Variants in GRXCR1 observed in about 807,000 individuals in gnomAD.
GRXCR1 encodes glutaredoxin domain-containing cysteine-rich protein 1.
A neutral mutation model predicts 27.3 loss-of-function variants in GRXCR1; 27 were observed. The observed-to-expected ratio is 0.99, with a 90% CI of 0.73 to 1.37. GRXCR1 has a LOEUF of 1.37. GRXCR1 is among the 40% of genes most tolerant of loss of function. The pLI is 0.00. For synonymous variants in GRXCR1, 122 were observed against 131.1 expected (o/e 0.93, Z 0.47); for missense variants, 379 against 354.4 (o/e 1.07, Z -0.56).
intron 1 of GRXCR1, among the ~76,000 whole-genome samples, chr4:42,912,752 T>C (rs892766904): frequency 2.0e-5 from 3 of 152,176 alleles, no homozygotes; most frequent in Admixed American, 6.6e-5. Context: ...ATCTCATCAC[T>C]TTAGTGAGGA....
At chr4:42,977,526 T>TTTTTTTTTTTTTTTTTTTTTTGAG (rs1560672131) in intron 2 of GRXCR1, among the ~76,000 whole-genome samples, 1 of 151,984 alleles carries the variant, frequency 6.6e-6, no homozygotes, top group African/African-American at 2.4e-5. Context: ...GGTGAACTCT[T>TTTTTTTTTTTTTTTTTTTTTTGAG]AATGTGGTTT....
At chr4:42,932,232 C>G (rs1441717982) in intron 1 of GRXCR1, among the ~76,000 whole-genome samples, 1 of 151,774 alleles carries the variant, frequency 6.6e-6, no homozygotes, top group Admixed American at 6.6e-5. Flanking sequence ...TCGCTGCCCT[C>G]CTCTTGATGT....
intron 2 of GRXCR1, among the ~76,000 whole-genome samples, chr4:43,008,953 T>C (rs768417192): frequency 3.8e-4 from 58 of 152,262 alleles, no homozygotes; most frequent in Non-Finnish European, 6.2e-4. Context: ...TGTTACTTTG[T>C]CATTGCGCAA....
chr4:43,008,995 T>C (rs1229091701), intron 2 of GRXCR1, among the ~76,000 whole-genome samples: 1 of 152,236 alleles, frequency 6.6e-6, no homozygotes, highest in Admixed American at 6.5e-5. Flanking sequence ...TATGACATTT[T>C]CCTGGCATTG....
At position 42,979,330 on chromosome 4, in the gene GRXCR1, C is replaced by T. The variant is rs149757607; in HGVS notation, c.627+16196C>T. ...ATTTTAGCTATGAGTTTGTGATATA[C>T]GGCCTTTAGTGTTGAGATACATTTC... On this transcript the variant is annotated intron_variant, in intron 2 of 3. Transcript: ENST00000399770. Among the ~76,000 whole-genome samples the T allele has an allele frequency of 1.3e-4, 20 of 152,032 alleles. No homozygotes were observed. The East Asian group carries it at 1.9e-3, about 15-fold the overall frequency.
chr4:42,986,561 T>C (rs1711730936), intron 2 of GRXCR1, among the ~76,000 whole-genome samples: 1 of 152,264 alleles, frequency 6.6e-6, no homozygotes, highest in Admixed American at 6.5e-5. Context: ...TGATGGGTAG[T>C]GAGGGTGGGA....
Position 42,981,256 on chromosome 4 carries a change from A to G in GRXCR1, c.627+18122A>G, listed in dbSNP as rs955132873. Reference sequence around the variant, plus strand: ...AGTTATCATGAGACTTATAAAAAACATCTTATTTTTATAACAAGTTATTTT... The same window carrying G: ...AGTTATCATGAGACTTATAAAAAACGTCTTATTTTTATAACAAGTTATTTT... On this transcript the variant is annotated intron_variant, in intron 2 of 3. Transcript: ENST00000399770. Among the ~76,000 whole-genome samples the G allele has an allele frequency of 8.6e-5, 13 of 151,972 alleles. No homozygotes were observed. The East Asian group carries it at 2.5e-3, about 29-fold the overall frequency.
At chr4:42,895,922 G>C (rs1746338087) in intron 1 of GRXCR1, among the ~76,000 whole-genome samples, 1 of 152,036 alleles carries the variant, frequency 6.6e-6, no homozygotes. Context: ...CGGTAAACTT[G>C]ACTGGATGTA....
chr4:42,906,517 A>T (rs753973320), intron 1 of GRXCR1, among the ~76,000 whole-genome samples: 1 of 152,134 alleles, frequency 6.6e-6, no homozygotes, highest in African/African-American at 2.4e-5. Context: ...CTCCACAGTT[A>T]GTGAGCTGGA....
At chr4:43,021,396 A>G (rs1312022163) in intron 3 of GRXCR1, among the ~76,000 whole-genome samples, 1 of 152,148 alleles carries the variant, frequency 6.6e-6, no homozygotes, top group Non-Finnish European at 1.5e-5. Context: ...GGGCCTTATA[A>G]AAGTCTTTTT....
intron 1 of GRXCR1, among the ~76,000 whole-genome samples, chr4:42,934,836 G>A (rs1454327947): frequency 6.6e-6 from 1 of 151,946 alleles, no homozygotes; most frequent in East Asian, 1.9e-4. Flanking sequence ...ATGTCAATGA[G>A]CTCAAAGAAA....
At chr4:42,975,203 T>G (rs182774047) in intron 2 of GRXCR1, among the ~76,000 whole-genome samples, 1 of 152,088 alleles carries the variant, frequency 6.6e-6, no homozygotes, top group Non-Finnish European at 1.5e-5. Context: ...AACCAAAAAG[T>G]AAGGTTACAA....
intron 2 of GRXCR1, among the ~76,000 whole-genome samples, chr4:42,978,613 A>G (rs907306710): frequency 1.9e-4 from 29 of 152,072 alleles, no homozygotes; most frequent in African/African-American, 6.8e-4. Context: ...GTGTTAATAT[A>G]CAGTAATGTT....
Position 42,957,081 on chromosome 4 carries a change from A to G in GRXCR1, c.385-5811A>G, listed in dbSNP as rs80235665. ...GTGTCAAACATGTTATCTTCCTCCC[A>G]TCTTAAGATCTTTGTACTTGCATGA... On this transcript the variant is annotated intron_variant, in intron 1 of 3. Coordinates refer to ENST00000399770, the MANE Select transcript of GRXCR1 (RefSeq NM_001080476.3). Among the ~76,000 whole-genome samples, 1,065 of 152,038 alleles carry G rather than the reference A, an allele frequency of 7.0e-3. 17 individuals carry two copies. The highest frequency in any genetic ancestry group is 0.062 in the East Asian group (321 of 5,140).
chr4:42,962,439 G>T (rs1301498529), intron 1 of GRXCR1, among the ~76,000 whole-genome samples: 2 of 151,836 alleles, frequency 1.3e-5, no homozygotes, highest in Non-Finnish European at 2.9e-5. Flanking sequence ...GGAAATTGTT[G>T]CCCCAAAGAC....
At chr4:42,946,150 G>A (rs1243791185) in intron 1 of GRXCR1, among the ~76,000 whole-genome samples, 1 of 152,120 alleles carries the variant, frequency 6.6e-6, no homozygotes, top group Non-Finnish European at 1.5e-5. Flanking sequence ...TATATACCCA[G>A]TGGAATAGCC....
rs1041226811 is a variant in GRXCR1 at position 42,930,679 on chromosome 4, CTCTG to C, written c.385-32209_385-32206del. On this transcript the variant is annotated intron_variant, in intron 1 of 3. Coordinates refer to ENST00000399770, the MANE Select transcript of GRXCR1 (RefSeq NM_001080476.3). ...AAGGTCTGGGTTAAAGTTTTAGTTC[CTCTG>C]TCTATTAGCCAACCACAGATAAGTG... is the stretch of plus-strand genomic sequence containing the variant. Among the ~76,000 whole-genome samples the C allele has an allele frequency of 9.2e-5, 14 of 151,966 alleles. No individual in the cohort carries two copies. The East Asian group carries it at 1.4e-3, about 15-fold the overall frequency.
intron 1 of GRXCR1, among the ~76,000 whole-genome samples, chr4:42,939,821 C>A (rs1332838004): frequency 1.3e-5 from 2 of 151,948 alleles, no homozygotes; most frequent in Non-Finnish European, 2.9e-5. Context: ...GCATTGTGAC[C>A]TTCACAGTGT....
chr4:42,963,790 C>T (rs1380809685), intron 2 of GRXCR1, among the ~76,000 whole-genome samples: 1 of 151,854 alleles, frequency 6.6e-6, no homozygotes, highest in South Asian at 2.1e-4. Flanking sequence ...AGACAGGGCT[C>T]CAGAGAGTAC....
Sources: gnomAD v4.1 joint callset for allele counts (sites outside exome capture counted in the v4.1 genomes callset) on GRCh38, gnomAD v4.1.1 for gene constraint, MANE v1.5 for transcripts, NCBI Gene and HGNC (gene_info 2026-07-23, HGNC 2026-07-21) for gene names.